Variants in CATSPERB observed in about 807,000 individuals in gnomAD.
The protein encoded by CATSPERB is catsper channel auxiliary subunit beta.
CATSPERB carries 93 observed loss-of-function variants against 128.3 expected under a neutral mutation model. That is an observed-to-expected ratio of 0.72 (90% CI 0.61 to 0.86). The LOEUF (loss-of-function observed/expected upper bound fraction) is 0.86. CATSPERB is among the 40% of genes least tolerant of loss of function. The pLI is 0.00. For synonymous variants in CATSPERB, 381 were observed against 448.8 expected (o/e 0.85, Z 1.91); for missense variants, 1,153 against 1,329.5 (o/e 0.87, Z 2.06).
At chr14:91,685,748 A>G (rs1895362683) in intron 10 of CATSPERB, among the ~76,000 whole-genome samples, 2 of 152,288 alleles carry the variant, frequency 1.3e-5, no homozygotes, top group East Asian at 3.9e-4. Context: ...CATGTTATGC[A>G]AAGGAGTCGA....
Position 91,587,477 on chromosome 14 carries a change from C to CTTTTTTTTTTTTTTTTTT in CATSPERB, c.3058-219_3058-202dup, listed in dbSNP as rs3029803. 7.7e-4 allele frequency among the ~76,000 whole-genome samples: 78 copies of CTTTTTTTTTTTTTTTTTT among 101,518 alleles called. 6 individuals are homozygous for CTTTTTTTTTTTTTTTTTT. In the Middle Eastern group the frequency reaches 0.016, roughly 21 times the overall value. The allele number at this position is 101,518 out of a possible 152,430, so 66.6% of individuals were successfully genotyped here. ...AAGTGGAGGGATTCAATAGCTGATA[C>CTTTTTTTTTTTTTTTTTT]TTTTTTTTTTTTTTTTTTTTTTTTT... On this transcript the variant is annotated intron_variant, in intron 25 of 26. Coordinates refer to ENST00000256343, the MANE Select transcript of CATSPERB (RefSeq NM_024764.4).
chr14:91,617,494 TA>T, intron 20 of CATSPERB, 102 bp downstream of exon 20: 2 of 785,298 alleles, frequency 2.5e-6, no homozygotes, highest in Non-Finnish European at 3.9e-6. Flanking sequence ...TGTGTATTTA[TA>T]AACAGAGATG....
rs1160584872 is a variant in CATSPERB at position 91,671,591 on chromosome 14, A to G, written c.1128+1276T>C. ...GGGCAGCAGAGCGAGACCCCATCTC[A>G]AAAAAACCCCAAAAAACCAACCAAC... On this transcript the variant is annotated intron_variant, in intron 13 of 26. Transcript: ENST00000256343. Among the ~76,000 whole-genome samples, 3 of 140,052 alleles carry G rather than the reference A, an allele frequency of 2.1e-5. No homozygotes were observed. In the East Asian group the frequency reaches 6.3e-4, roughly 29 times the overall value. 91.9% of individuals were successfully genotyped at this position (140,052 alleles called of 152,430 possible).
chr14:91,596,967 A>C (rs1017260911), intron 22 of CATSPERB, among the ~76,000 whole-genome samples: 6 of 151,764 alleles, frequency 4.0e-5, no homozygotes, highest in Admixed American at 3.9e-4. Flanking sequence ...GCTCACTGCA[A>C]GCTCCACCTC....
chr14:91,693,551 C>T (rs1895508330), intron 7 of CATSPERB, 72 bp from the exon 8 acceptor site: 1 of 1,067,190 alleles, frequency 9.4e-7, no homozygotes, highest in African/African-American at 1.6e-5. Flanking sequence ...GGCAAGAGCC[C>T]AGAGTCCGTT....
intron 16 of CATSPERB, among the ~76,000 whole-genome samples, chr14:91,637,920 T>G (rs945059067): frequency 3.3e-5 from 5 of 152,128 alleles, no homozygotes; most frequent in Non-Finnish European, 5.9e-5. Context: ...CCTGCTCACA[T>G]CATTCGCTTT....
At chr14:91,598,306 A>T (rs1168825766) in intron 22 of CATSPERB, among the ~76,000 whole-genome samples, 1 of 151,368 alleles carries the variant, frequency 6.6e-6, no homozygotes, top group Non-Finnish European at 1.5e-5. Flanking sequence ...CTTTTTTTTT[A>T]AAAGGACACA....
intron 20 of CATSPERB, among the ~76,000 whole-genome samples, chr14:91,614,161 A>G (rs1295548130): frequency 6.6e-6 from 1 of 152,152 alleles, no homozygotes; most frequent in Non-Finnish European, 1.5e-5. Context: ...TTAATTCTCA[A>G]AACAACCATG....
At chr14:91,671,191 T>C (rs1437055668) in intron 13 of CATSPERB, among the ~76,000 whole-genome samples, 1 of 152,088 alleles carries the variant, frequency 6.6e-6, no homozygotes, top group Non-Finnish European at 1.5e-5. Context: ...ATAAAACCTG[T>C]CCCAAATCCC....
At chr14:91,644,290 A>T in intron 15 of CATSPERB, among the ~76,000 whole-genome samples, 1 of 117,530 alleles carries the variant, frequency 8.5e-6, no homozygotes, top group Admixed American at 8.2e-5. Flanking sequence ...TAGTTGATGC[A>T]GTTTCTTCCT....
chr14:91,710,771 T>C (rs1054008491), intron 5 of CATSPERB, among the ~76,000 whole-genome samples: 6 of 152,250 alleles, frequency 3.9e-5, no homozygotes, highest in Non-Finnish European at 8.8e-5. Flanking sequence ...CCATGCCAGC[T>C]GGATATTTTC....
At chr14:91,604,957 G>A (rs1274505348) in intron 22 of CATSPERB, 1 of 1,173,514 alleles carries the variant, frequency 8.5e-7, no homozygotes, top group Admixed American at 1.7e-5. Flanking sequence ...TCTGCTGGAG[G>A]CTGAAGTATT....
chr14:91,625,630 T>C (rs1172429240), intron 17 of CATSPERB, among the ~76,000 whole-genome samples: 3 of 152,168 alleles, frequency 2.0e-5, no homozygotes, highest in Non-Finnish European at 2.9e-5. Flanking sequence ...AAAATGCATA[T>C]AAAAAGGACT....
intron 6 of CATSPERB, among the ~76,000 whole-genome samples, chr14:91,705,061 T>G (rs117663693): frequency 0.017 from 2,646 of 152,294 alleles, 49 homozygotes; most frequent in Non-Finnish European, 0.027. Context: ...CCCACTCATT[T>G]ACTTTTTGTT....
rs1273850331 is a variant in CATSPERB at position 91,693,428 on chromosome 14, G to A, written c.668C>T (p.Thr223Ile). The change falls in exon 8 of 27, where the codon ACA (threonine) becomes ATA (isoleucine). Residue 223 changes from threonine (T) to isoleucine (I), a missense_variant. Transcript: ENST00000256343. ...GATAGTCTGTGTCATGTTAAACCAT[G>A]TGGTATCATAATCATGCCAGAATCC... is the stretch of plus-strand genomic sequence containing the variant. Reference protein sequence around the residue: ...FGGFWHDYDTTWFNMTQTIYS... With the variant: ...FGGFWHDYDTIWFNMTQTIYS... 1 of 1,613,978 alleles carries A rather than the reference G, an allele frequency of 6.2e-7. No individual in the cohort carries two copies. Among genetic ancestry groups the A allele is most frequent in the Non-Finnish European group, 8.5e-7 (1 of 1,179,956 alleles).
intron 15 of CATSPERB, among the ~76,000 whole-genome samples, chr14:91,656,322 C>T (rs1294591334): frequency 6.6e-6 from 1 of 152,036 alleles, no homozygotes; most frequent in African/African-American, 2.4e-5. Flanking sequence ...GTAAACTACT[C>T]ATATGTTGAG....
At chr14:91,681,457 G>T (rs1490544542) in intron 11 of CATSPERB, among the ~76,000 whole-genome samples, 1 of 152,206 alleles carries the variant, frequency 6.6e-6, no homozygotes, top group Non-Finnish European at 1.5e-5. Context: ...TTTGACTTGG[G>T]ATGAATTTTT....
chr14:91,729,959 C>A (rs560248537), intron 1 of CATSPERB, among the ~76,000 whole-genome samples: 76 of 152,230 alleles, frequency 5.0e-4, no homozygotes, highest in African/African-American at 1.8e-3. Flanking sequence ...TTTGTAGCCA[C>A]CAGCCTTGAG....
At chr14:91,603,124 A>G in intron 22 of CATSPERB, 2 of 787,462 alleles carry the variant, frequency 2.5e-6, no homozygotes, top group Admixed American at 3.4e-5. Flanking sequence ...GTCTTCTCCA[A>G]TCTGGTATCC....
Sources: allele counts gnomAD v4.1 joint callset (sites outside exome capture counted in the v4.1 genomes callset), GRCh38; gene constraint gnomAD v4.1.1; transcripts MANE v1.5; gene names NCBI Gene and HGNC (gene_info 2026-07-23, HGNC 2026-07-21).